Variants in NWD2 observed in about 807,000 individuals in gnomAD.
The protein encoded by NWD2 is NACHT and WD repeat domain-containing protein 2.
A neutral mutation model predicts 132.7 loss-of-function variants in NWD2; 37 were observed. The observed-to-expected ratio is 0.28, with a 90% CI of 0.21 to 0.37. NWD2 has a LOEUF of 0.37. NWD2 is among the 10% of genes least tolerant of loss of function. The probability of loss-of-function intolerance (pLI) is 1.00; values close to 1 mark genes in which losing one functional copy is unlikely to be tolerated. For synonymous variants in NWD2, 705 were observed against 803.0 expected (o/e 0.88, Z 2.06); for missense variants, 1,592 against 2,122.4 (o/e 0.75, Z 4.91).
At position 37,409,647 on chromosome 4, in the gene NWD2, T is replaced by C. The variant is rs368987717; in HGVS notation, c.358-20925T>C. On this transcript the variant is annotated intron_variant, in intron 3 of 6. Transcript: ENST00000309447. ...CAAGCCAACGTTCAAATTCAGGAAATACAGAGAACACCACTAAGATACTCC... is the reference window on the plus strand; with the variant it reads ...CAAGCCAACGTTCAAATTCAGGAAACACAGAGAACACCACTAAGATACTCC... Among the ~76,000 whole-genome samples, 56 of 152,100 alleles carry C rather than the reference T, an allele frequency of 3.7e-4. 1 individual carries two copies. The highest frequency in any genetic ancestry group is 1.3e-3 in the African/African-American group (52 of 41,484).
intron 3 of NWD2, among the ~76,000 whole-genome samples, chr4:37,404,030 G>A (rs77052574): frequency 0.024 from 3,660 of 152,216 alleles, 55 homozygotes; most frequent in Middle Eastern, 0.058. Context: ...GTCCCCACTT[G>A]AGCCACTCAT....
At chr4:37,300,664 A>G (rs964044004) in intron 1 of NWD2, among the ~76,000 whole-genome samples, 2 of 152,132 alleles carry the variant, frequency 1.3e-5, no homozygotes, top group Non-Finnish European at 1.5e-5. Context: ...CAAAAAGTAT[A>G]TAAGTTTCTT....
At chr4:37,252,575 G>A (rs1310466013) in intron 1 of NWD2, among the ~76,000 whole-genome samples, 4 of 152,134 alleles carry the variant, frequency 2.6e-5, no homozygotes, top group Non-Finnish European at 5.9e-5. Context: ...GGCTTGGCTG[G>A]GTGGCTCTTC....
chr4:37,381,515 C>T (rs1322293606), intron 3 of NWD2, among the ~76,000 whole-genome samples: 2 of 152,228 alleles, frequency 1.3e-5, no homozygotes, highest in Admixed American at 6.5e-5. Context: ...CTACCTCCAA[C>T]TCCATGAGGC....
chr4:37,268,378 T>A (rs1717800430), intron 1 of NWD2, among the ~76,000 whole-genome samples: 1 of 152,010 alleles, frequency 6.6e-6, no homozygotes, highest in South Asian at 2.1e-4. Context: ...ACTGCTTGAC[T>A]ATTAACCTTT....
intron 1 of NWD2, among the ~76,000 whole-genome samples, chr4:37,287,863 A>G (rs746004151): frequency 9.2e-5 from 14 of 152,236 alleles, no homozygotes; most frequent in Admixed American, 2.0e-4. Context: ...ATGCACACAT[A>G]TGTTTATTGC....
intron 1 of NWD2, among the ~76,000 whole-genome samples, chr4:37,307,037 A>AAG: frequency 6.6e-6 from 1 of 151,532 alleles, no homozygotes; most frequent in Non-Finnish European, 1.5e-5. Flanking sequence ...AAAAAAAAAA[A>AAG]AGAATGTTCT....
At chr4:37,386,936 C>T (rs1478650180) in intron 3 of NWD2, among the ~76,000 whole-genome samples, 1 of 152,152 alleles carries the variant, frequency 6.6e-6, no homozygotes, top group African/African-American at 2.4e-5. Context: ...CTCCCTGAAG[C>T]CTCACCAGAA....
intron 1 of NWD2, among the ~76,000 whole-genome samples, chr4:37,260,773 T>A (rs981534494): frequency 3.9e-5 from 6 of 152,130 alleles, no homozygotes; most frequent in African/African-American, 1.2e-4. Context: ...TTGATTTTTT[T>A]AAAAAACATC....
intron 4 of NWD2, among the ~76,000 whole-genome samples, chr4:37,432,297 A>G (rs1260671587): frequency 6.6e-6 from 1 of 151,804 alleles, no homozygotes; most frequent in Non-Finnish European, 1.5e-5. Context: ...TTACCCCAAT[A>G]TTCCCACCCA....
At chr4:37,350,648 C>T (rs1056083101) in intron 2 of NWD2, among the ~76,000 whole-genome samples, 1 of 152,166 alleles carries the variant, frequency 6.6e-6, no homozygotes, top group Non-Finnish European at 1.5e-5. Context: ...ATTGGACCTC[C>T]TCTCTTCTTA....
chr4:37,275,151 T>C, intron 1 of NWD2, among the ~76,000 whole-genome samples: 1 of 152,118 alleles, frequency 6.6e-6, no homozygotes, highest in Non-Finnish European at 1.5e-5. Flanking sequence ...TCCCTGTTTG[T>C]AAATGGCATG....
chr4:37,364,025 G>C (rs4832899), intron 3 of NWD2, among the ~76,000 whole-genome samples: 10 of 151,678 alleles, frequency 6.6e-5, no homozygotes, highest in Middle Eastern at 3.2e-3. Context: ...CCAGCTACTC[G>C]GGAGGCTGAG....
At chr4:37,389,137 AT>A (rs1226797997) in intron 3 of NWD2, among the ~76,000 whole-genome samples, 2 of 152,200 alleles carry the variant, frequency 1.3e-5, no homozygotes, top group Admixed American at 6.5e-5. Flanking sequence ...GGAGTTAGCA[AT>A]GCAAAAGCCC....
chr4:37,423,820 T>C (rs2109323717), intron 3 of NWD2, among the ~76,000 whole-genome samples: 1 of 152,306 alleles, frequency 6.6e-6, no homozygotes, highest in Middle Eastern at 3.4e-3. Context: ...TCCCCATTTC[T>C]CCATTTCCCC....
intron 3 of NWD2, among the ~76,000 whole-genome samples, chr4:37,388,669 TA>T (rs1158980302): frequency 2.0e-5 from 3 of 147,664 alleles, no homozygotes; most frequent in Non-Finnish European, 3.0e-5. Context: ...ATATCATATA[TA>T]AATATATATC....
At chr4:37,430,389 G>A (rs1298808947) in intron 3 of NWD2, among the ~76,000 whole-genome samples, 183 bp from the exon 4 acceptor site, 17 of 152,168 alleles carry the variant, frequency 1.1e-4, no homozygotes, top group Admixed American at 1.1e-3. Flanking sequence ...ATAATTTGTT[G>A]TAATATAGTT....
chr4:37,367,080 A>C (rs1413474784), intron 3 of NWD2, among the ~76,000 whole-genome samples: 1 of 152,180 alleles, frequency 6.6e-6, no homozygotes, highest in Non-Finnish European at 1.5e-5. Context: ...CATCCATATG[A>C]TGGGTAACAA....
intron 2 of NWD2, among the ~76,000 whole-genome samples, chr4:37,349,877 G>C (rs1298957543): frequency 6.6e-6 from 1 of 152,154 alleles, no homozygotes. Context: ...TTATAAGGAA[G>C]GGATCCAGTT....
Sources: allele counts gnomAD v4.1 joint callset (sites outside exome capture counted in the v4.1 genomes callset), GRCh38; gene constraint gnomAD v4.1.1; transcripts MANE v1.5; gene names NCBI Gene and HGNC (gene_info 2026-07-23, HGNC 2026-07-21).